The following EPHA5 variants were observed in gnomAD, a reference collection of about 807,000 sequenced individuals.
EPHA5 encodes the protein EPH receptor A5, also known as ephrin type-A receptor 5.
A neutral mutation model predicts 105.0 loss-of-function variants in EPHA5; 60 were observed. That is an observed-to-expected ratio of 0.57 (90% CI 0.46 to 0.71). The LOEUF (loss-of-function observed/expected upper bound fraction) is 0.71, where lower values mean the gene tolerates loss of function less well. EPHA5 is among the 30% of genes least tolerant of loss of function. The probability of loss-of-function intolerance (pLI) is 0.00; values close to 1 mark genes in which losing one functional copy is unlikely to be tolerated. For missense variants in EPHA5, 1,218 were observed against 1,274.7 expected (o/e 0.96, Z 0.68); for synonymous variants, 513 against 449.1 (o/e 1.14, Z -1.80).
In EPHA5 at chr4:65,365,914, T is replaced by G. The variant is rs1717862328; in HGVS notation, c.1987+18A>C. 1.9e-6 allele frequency: 3 copies of G among 1,592,464 alleles called. No individual in the cohort carries two copies. Among genetic ancestry groups the G allele is most frequent in the Non-Finnish European group, 2.6e-6 (3 of 1,164,234 alleles). On this transcript the variant is annotated intron_variant, in intron 10 of 16. Transcript: ENST00000613740. ...TGCAAACAAAAGTTAAAAATGAAAG[T>G]CAAACACATTGTCGTACCTGCTCCA... is the stretch of plus-strand genomic sequence containing the variant.
At position 65,602,038 on chromosome 4, in the gene EPHA5, G is replaced by A. The variant is rs2149440077; in HGVS notation, c.513C>T (p.Tyr171=). Residue 171 remains tyrosine (Y), a synonymous_variant, in exon 3 of 17, where the codon TAC becomes TAT. Transcript: ENST00000613740. Reference sequence around the variant, plus strand: ...CGGCAGCAATGGTATCAATTTTGATGTATTGGTTTTCCTTGATGTTTCTCC... The same window carrying A: ...CGGCAGCAATGGTATCAATTTTGATATATTGGTTTTCCTTGATGTTTCTCC... ...QNGRNIKENQ[Y]IKIDTIAADE... is the part of the protein sequence containing the mutation. 6.2e-7 allele frequency: 1 copy of A among 1,614,120 alleles called. No individual in the cohort carries two copies. Among genetic ancestry groups the A allele is most frequent in the Non-Finnish European group, 8.5e-7 (1 of 1,180,008 alleles).
chr4:65,465,941 A>G (rs1345897677), intron 5 of EPHA5, among the ~76,000 whole-genome samples: 1 of 152,224 alleles, frequency 6.6e-6, no homozygotes, highest in Non-Finnish European at 1.5e-5. Flanking sequence ...TACTTCAGTA[A>G]ACAAATTATA....
chr4:65,360,431 A>G (rs1382023825), intron 11 of EPHA5, among the ~76,000 whole-genome samples: 1 of 151,698 alleles, frequency 6.6e-6, no homozygotes, highest in East Asian at 1.9e-4. Flanking sequence ...AAGAGTTTGG[A>G]TTTTGGAGTC....
intron 3 of EPHA5, among the ~76,000 whole-genome samples, chr4:65,550,869 T>C (rs1424674974): frequency 1.3e-5 from 2 of 151,718 alleles, no homozygotes; most frequent in East Asian, 3.9e-4. Context: ...AAAAAACAAC[T>C]ACTAAAAACT....
chr4:65,598,707 G>A (rs1283339625), intron 3 of EPHA5, among the ~76,000 whole-genome samples: 1 of 152,146 alleles, frequency 6.6e-6, no homozygotes, highest in Admixed American at 6.6e-5. Flanking sequence ...AGGGATATTG[G>A]AGCACAGATC....
chr4:65,504,050 TAAATA>T (rs1013389045), intron 3 of EPHA5, among the ~76,000 whole-genome samples: 1 of 151,464 alleles, frequency 6.6e-6, no homozygotes, highest in African/African-American at 2.4e-5. Flanking sequence ...AATAAAATCA[TAAATA>T]AAATAAAGCT....
At chr4:65,481,135 A>G (rs919169205) in intron 5 of EPHA5, among the ~76,000 whole-genome samples, 5 of 152,196 alleles carry the variant, frequency 3.3e-5, no homozygotes, top group African/African-American at 1.2e-4. Context: ...AATTCAACAA[A>G]GATCGTCTGT....
intron 8 of EPHA5, among the ~76,000 whole-genome samples, chr4:65,380,292 A>G (rs1719426652): frequency 6.6e-6 from 1 of 151,844 alleles, no homozygotes; most frequent in Non-Finnish European, 1.5e-5. Flanking sequence ...TTGTTTTAAC[A>G]AGATATTTCC....
intron 5 of EPHA5, among the ~76,000 whole-genome samples, chr4:65,440,763 G>T (rs1216843775): frequency 1.3e-5 from 2 of 152,006 alleles, no homozygotes; most frequent in Non-Finnish European, 2.9e-5. Flanking sequence ...TCTGGGAAAA[G>T]GGAGAGAAGG....
At chr4:65,507,411 T>C (rs1291329570) in intron 3 of EPHA5, among the ~76,000 whole-genome samples, 1 of 152,156 alleles carries the variant, frequency 6.6e-6, no homozygotes, top group Non-Finnish European at 1.5e-5. Context: ...AAGAAAGCCA[T>C]TGGTAGCTTA....
chr4:65,347,685 G>A (rs1020052118), intron 14 of EPHA5, among the ~76,000 whole-genome samples: 1 of 152,038 alleles, frequency 6.6e-6, no homozygotes, highest in African/African-American at 2.4e-5. Flanking sequence ...CTATTGGTTT[G>A]GAGTATTAGC....
intron 8 of EPHA5, among the ~76,000 whole-genome samples, chr4:65,403,722 C>T (rs1000398818): frequency 4.6e-5 from 7 of 151,740 alleles, no homozygotes; most frequent in Non-Finnish European, 8.8e-5. Context: ...GACTTTATCT[C>T]TTTTTGGTAT....
At chr4:65,529,711 C>T (rs77501508) in intron 3 of EPHA5, among the ~76,000 whole-genome samples, 2,828 of 152,098 alleles carry the variant, frequency 0.019, 59 homozygotes, top group Non-Finnish European at 0.031. Context: ...ATATATGAAA[C>T]TGGAACAATG....
chr4:65,602,297 T>A lies in EPHA5; in HGVS notation c.254A>T (p.Glu85Val), dbSNP rs2149442288. ...WIAFPKNGWE[E>V]IGEVDENYAP... ...ATAATTTTCATCCACTTCACCAATCTCTTCCCACTGTACAATATAAAATAG... is the reference window on the plus strand; with the variant it reads ...ATAATTTTCATCCACTTCACCAATCACTTCCCACTGTACAATATAAAATAG... The change falls in exon 3 of 17, where the codon GAG becomes GTG. Residue 85 changes from glutamate to valine, a missense_variant. Coordinates refer to ENST00000613740, the MANE Select transcript of EPHA5 (RefSeq NM_001281766.3). 1.9e-6 allele frequency: 3 copies of A among 1,593,752 alleles called. No individual in the cohort carries two copies. The highest frequency in any genetic ancestry group is 2.6e-6 in the Non-Finnish European group (3 of 1,172,878).
At chr4:65,367,210 C>G (rs949191454) in intron 9 of EPHA5, 147 bp downstream of exon 9, 74 of 633,280 alleles carry the variant, frequency 1.2e-4, no homozygotes, top group Non-Finnish European at 1.8e-5. Context: ...GTATTCTTTA[C>G]AGGAATGTAA....
At position 65,526,055 on chromosome 4, in the gene EPHA5, C is replaced by T. The variant is rs531869622; in HGVS notation, c.911-30512G>A. Among the ~76,000 whole-genome samples the T allele has an allele frequency of 9.9e-5, 15 of 151,818 alleles. No individual in the cohort carries two copies. The East Asian group carries it at 1.5e-3, about 16-fold the overall frequency. The stretch of plus-strand genomic sequence containing the variant: ...ATCCTATCAGTATTTAGCCCAATAC[C>T]GGGCACATGTTATTCAATTGATGGT... On this transcript the variant is annotated intron_variant, in intron 3 of 16. Coordinates refer to ENST00000613740, the MANE Select transcript of EPHA5 (RefSeq NM_001281766.3).
At chr4:65,381,627 T>C (rs963421410) in intron 8 of EPHA5, among the ~76,000 whole-genome samples, 2 of 151,868 alleles carry the variant, frequency 1.3e-5, no homozygotes, top group African/African-American at 4.8e-5. Context: ...TTAATAGTTT[T>C]ATACATTCCT....
intron 3 of EPHA5, among the ~76,000 whole-genome samples, chr4:65,511,873 A>G (rs1020543055): frequency 6.6e-6 from 1 of 152,218 alleles, no homozygotes; most frequent in Non-Finnish European, 1.5e-5. Flanking sequence ...GTAGGTTTCC[A>G]TGTACATATG....
At chr4:65,341,393 T>C (rs1183747902) in intron 14 of EPHA5, among the ~76,000 whole-genome samples, 1 of 151,912 alleles carries the variant, frequency 6.6e-6, no homozygotes, top group Non-Finnish European at 1.5e-5. Context: ...AGTCACACCA[T>C]TGAAATTAGA....
Sources: allele counts gnomAD v4.1 joint callset (sites outside exome capture counted in the v4.1 genomes callset), GRCh38; gene constraint gnomAD v4.1.1; transcripts MANE v1.5; gene names NCBI Gene and HGNC (gene_info 2026-07-23, HGNC 2026-07-21).